The following AGO3 variants were observed in gnomAD, a reference collection of about 807,000 sequenced individuals.
AGO3 encodes the protein protein argonaute-3.
In AGO3, 16 loss-of-function variants were observed where a neutral mutation model predicts 105.5. The ratio of observed to expected loss-of-function variants is 0.15; its 90% confidence interval spans 0.10 to 0.23. The LOEUF is 0.23. Among genes scored for constraint, AGO3 ranks in the 10% least tolerant of loss-of-function variants. The pLI is 1.00. For missense variants in AGO3, 534 were observed against 1,088.0 expected, an observed-to-expected ratio of 0.49 and a Z score of 7.16; for synonymous variants, 340 against 367.3, an observed-to-expected ratio of 0.93 and a Z score of 0.85.
chr1:35,975,162 A>G (rs906682317), intron 5 of AGO3, among the ~76,000 whole-genome samples: 2 of 152,154 alleles, frequency 1.3e-5, no homozygotes, highest in African/African-American at 4.8e-5. Context: ...TGTAATTTGT[A>G]TCATTGTTGC....
intron 11 of AGO3, among the ~76,000 whole-genome samples, chr1:36,015,201 A>G (rs1422644807): frequency 1.3e-5 from 2 of 152,218 alleles, no homozygotes; most frequent in African/African-American, 4.8e-5. Flanking sequence ...AGCTCACAGA[A>G]CTAGGGAAAC....
rs564547449 is a variant in AGO3, at chr1:36,068,556, A to G, written c.*12811A>G. On this transcript the variant is annotated 3_prime_UTR_variant, in exon 19 of 19. Coordinates refer to ENST00000373191, the MANE Select transcript of AGO3 (RefSeq NM_024852.4). ...AAAGTAATATTCTAACCTTCTGCCAACCAACAGAGATCCTCATATTCTTAA... is the reference window on the plus strand; with the variant it reads ...AAAGTAATATTCTAACCTTCTGCCAGCCAACAGAGATCCTCATATTCTTAA... The G allele has an allele frequency of 6.6e-6, 1 of 152,364 alleles. No homozygotes were observed. Among genetic ancestry groups the G allele is most frequent in the Admixed American group, 6.5e-5 (1 of 15,296 alleles). 9.4% of individuals were successfully genotyped at this position (152,364 alleles called of 1,614,324 possible).
intron 11 of AGO3, among the ~76,000 whole-genome samples, chr1:36,019,752 T>C (rs1641114892): frequency 6.6e-6 from 1 of 152,050 alleles, no homozygotes; most frequent in East Asian, 1.9e-4. Flanking sequence ...CACCAATATA[T>C]ATGTAAGGTG....
chr1:36,009,236 AACCACTGTTAAC>A (rs1640477030), intron 8 of AGO3, 192 bp downstream of exon 8: 1 of 833,834 alleles, frequency 1.2e-6, no homozygotes, highest in Non-Finnish European at 1.7e-6. Context: ...ACTCTAATGT[AACCACTGTTAAC>A]ATTTTGGTAT....
Position 36,055,229 on chromosome 1 carries a change from G to T in AGO3, c.2474+84G>T. ...TTTTCAAGTTCCACAAGCTATTAGC[G>T]GAGTCAGTGATCCATGTGAAAAATG... On this transcript the variant is annotated intron_variant, in intron 18 of 18. Coordinates refer to ENST00000373191, the MANE Select transcript of AGO3 (RefSeq NM_024852.4). The surrounding 1 kb of genome is among the most constrained non-coding windows in gnomAD (Gnocchi z 4.4). 2 of 1,408,872 alleles carry T rather than the reference G, an allele frequency of 1.4e-6. No individual in the cohort carries two copies. Among genetic ancestry groups the T allele is most frequent in the Non-Finnish European group, 1.9e-6 (2 of 1,029,206 alleles). The allele number at this position is 1,408,872 out of a possible 1,614,324, so 87.3% of individuals were successfully genotyped here.
Position 36,058,004 on chromosome 1 carries a change from A to C in AGO3, c.*2259A>C, listed in dbSNP as rs1642976577. ...GAAAAAAAAATCATAATGAAAATGA[A>C]GTGAAATTGCCTAAATGAGTCCAAC... On this transcript the variant is annotated 3_prime_UTR_variant, in exon 19 of 19. Transcript: ENST00000373191. The C allele has an allele frequency of 2.0e-5, 3 of 152,336 alleles. No homozygotes were observed. The South Asian group carries it at 6.2e-4, about 32-fold the overall frequency. 9.4% of individuals were successfully genotyped at this position (152,336 alleles called of 1,614,324 possible).
rs1033079361 is a variant in AGO3, at chr1:36,059,644, A to G, written c.*3899A>G. The G allele has an allele frequency of 1.3e-5, 2 of 151,952 alleles. No homozygotes were observed. The highest frequency in any genetic ancestry group is 4.8e-5 in the African/African-American group (2 of 41,428). 9.4% of individuals were successfully genotyped at this position (151,952 alleles called of 1,614,324 possible). On this transcript the variant is annotated 3_prime_UTR_variant, in exon 19 of 19. Transcript: ENST00000373191. ...GTCTACATAAAGTGCTGATACATGT[A>G]TTATATCACAGTATCAGGTTACTGG... is the stretch of plus-strand genomic sequence containing the variant.
At position 36,055,863 on chromosome 1, in the gene AGO3, G is replaced by A. The variant is rs1408329600; in HGVS notation, c.*118G>A. 1 of 890,898 alleles carries A rather than the reference G, an allele frequency of 1.1e-6. No homozygotes were observed. The highest frequency in any genetic ancestry group is 2.3e-5 in the Admixed American group (1 of 43,004). 55.2% of individuals were successfully genotyped at this position (890,898 alleles called of 1,614,324 possible). On this transcript the variant is annotated 3_prime_UTR_variant, in exon 19 of 19. Transcript: ENST00000373191. This position sits in a 1 kb window ranked among gnomAD's most constrained non-coding sequence, Gnocchi z 4.4. ...CCAGCCATACAGAAACCAACACTGTGTGGGGGCCAAGGTCTGATCCTTATG... is the reference window on the plus strand; with the variant it reads ...CCAGCCATACAGAAACCAACACTGTATGGGGGCCAAGGTCTGATCCTTATG...
At chr1:35,981,311 G>C (rs1429737358) in intron 5 of AGO3, among the ~76,000 whole-genome samples, 1 of 152,040 alleles carries the variant, frequency 6.6e-6, no homozygotes, top group African/African-American at 2.4e-5. Flanking sequence ...CTGTTAGAAG[G>C]GACTTAAGGG....
At chr1:36,045,289 T>G (rs1438224029) in intron 17 of AGO3, among the ~76,000 whole-genome samples, 1 of 152,076 alleles carries the variant, frequency 6.6e-6, no homozygotes, top group Non-Finnish European at 1.5e-5. Context: ...TAGTGTGATC[T>G]TGGCTCACTG....
At chr1:36,049,033 A>C (rs887179378) in intron 17 of AGO3, among the ~76,000 whole-genome samples, 2 of 152,240 alleles carry the variant, frequency 1.3e-5, no homozygotes, top group Admixed American at 1.3e-4. Context: ...AAAAGAATGA[A>C]ACCATATCCT....
At chr1:35,995,209 A>AAAAAT (rs1237315557) in intron 5 of AGO3, among the ~76,000 whole-genome samples, 2 of 114,790 alleles carry the variant, frequency 1.7e-5, no homozygotes, top group African/African-American at 3.8e-5. Flanking sequence ...TAAAAAAAAA[A>AAAAAT]ATATATATAT....
chr1:36,049,598 A>G (rs1240921233), intron 17 of AGO3, among the ~76,000 whole-genome samples: 2 of 152,108 alleles, frequency 1.3e-5, no homozygotes, highest in Non-Finnish European at 2.9e-5. Flanking sequence ...CAAATCTCAC[A>G]TGTACCTCCT....
Position 36,027,951 on chromosome 1 carries a change from G to C in AGO3, c.1591+653G>C, listed in dbSNP as rs558498949. On this transcript the variant is annotated intron_variant, in intron 12 of 18. Transcript: ENST00000373191. The surrounding 1 kb of genome is among the most constrained non-coding windows in gnomAD (Gnocchi z 4.0). ...TGTTGCTCAATATTCAGGTACTGCCGGTTCTACTACCTGTGTGATTTGGCT... is the reference window on the plus strand; with the variant it reads ...TGTTGCTCAATATTCAGGTACTGCCCGTTCTACTACCTGTGTGATTTGGCT... Among the ~76,000 whole-genome samples, 1 of 152,106 alleles carries C rather than the reference G, an allele frequency of 6.6e-6. No homozygotes were observed. The highest frequency in any genetic ancestry group is 1.5e-5 in the Non-Finnish European group (1 of 68,022).
Position 36,034,344 on chromosome 1 carries a change from C to A in AGO3, c.1751+11C>A. 6.4e-7 allele frequency: 1 copy of A among 1,565,352 alleles called. No individual in the cohort carries two copies. On this transcript the variant is annotated intron_variant, in intron 13 of 18. Transcript: ENST00000373191. ...TGTACCTCATCAAAGGTAAGATATG[C>A]TAATCGCTTATGAAAATATTATTTT... is the stretch of plus-strand genomic sequence containing the variant.
At chr1:36,024,803 A>G (rs1379788215) in intron 11 of AGO3, among the ~76,000 whole-genome samples, 1 of 152,068 alleles carries the variant, frequency 6.6e-6, no homozygotes, top group African/African-American at 2.4e-5. Flanking sequence ...TCAGTATGAC[A>G]TTTCATATCT....
chr1:36,026,981 C>T (rs1641534064), intron 11 of AGO3, 133 bp from the exon 12 acceptor site: 1 of 992,996 alleles, frequency 1.0e-6, no homozygotes, highest in Admixed American at 2.3e-5. Flanking sequence ...CATCAGTAGT[C>T]TGGTGACCTC....
intron 1 of AGO3, among the ~76,000 whole-genome samples, chr1:35,940,980 C>T (rs1646242570): frequency 6.6e-6 from 1 of 152,076 alleles, no homozygotes; most frequent in Non-Finnish European, 1.5e-5. Context: ...GCTGAGGACA[C>T]CCACATTTAC....
chr1:36,003,709 A>AAAAATATATATATATATAT lies in AGO3; in HGVS notation c.659-631_659-630insAAATATATATATATATATA, dbSNP rs1295618675. 3.0e-5 allele frequency among the ~76,000 whole-genome samples: 3 copies of AAAAATATATATATATATAT among 99,434 alleles called. No homozygotes were observed. In the South Asian group the frequency reaches 1.1e-3, roughly 38 times the overall value. The allele number at this position is 99,434 out of a possible 152,430, so 65.2% of individuals were successfully genotyped here. A position where few individuals can be genotyped will look rare whatever the true frequency, so the allele number is the denominator to read the frequency against. Reference sequence around the variant, plus strand: ...AAGTCTGTCTCAAAAAAAAAAAAAAAATATATATATATATATATATATATA... The same window carrying AAAAATATATATATATATAT: ...AAGTCTGTCTCAAAAAAAAAAAAAAAAAAATATATATATATATATATATATATATATATATATATATATA... On this transcript the variant is annotated intron_variant, in intron 5 of 18. Coordinates refer to ENST00000373191, the MANE Select transcript of AGO3 (RefSeq NM_024852.4).
Sources: allele counts gnomAD v4.1 joint callset (sites outside exome capture counted in the v4.1 genomes callset), GRCh38; gene constraint gnomAD v4.1.1; non-coding constraint Gnocchi (gnomAD v3.1); transcripts MANE v1.5; gene names NCBI Gene and HGNC (gene_info 2026-07-23, HGNC 2026-07-21).